GOLM2: variants seen among roughly 807,000 people sequenced by gnomAD.
GOLM2 encodes protein GOLM2.
In GOLM2, 26 loss-of-function variants were observed where a neutral mutation model predicts 55.9. The ratio of observed to expected loss-of-function variants is 0.47; its 90% CI spans 0.34 to 0.65. The LOEUF (loss-of-function observed/expected upper bound fraction) is 0.65, where lower values mean the gene tolerates loss of function less well. Among genes scored for constraint, GOLM2 ranks in the 30% least tolerant of loss-of-function variants. GOLM2 has a pLI of 0.01. For synonymous variants in GOLM2, 165 were observed against 194.6 expected, an observed-to-expected ratio of 0.85 and a Z score of 1.27; for missense variants, 486 against 531.8, an observed-to-expected ratio of 0.91 and a Z score of 0.85.
At chr15:44,295,434 A>C (rs1454250153) in intron 1 of GOLM2, among the ~76,000 whole-genome samples, 2 of 152,196 alleles carry the variant, frequency 1.3e-5, no homozygotes, top group Non-Finnish European at 2.9e-5. Context: ...TGTCCAAAGA[A>C]GTGAGAAACA....
chr15:44,394,306 CAG>C (rs760192021), intron 8 of GOLM2, among the ~76,000 whole-genome samples: 2 of 152,188 alleles, frequency 1.3e-5, no homozygotes, highest in South Asian at 2.1e-4. Context: ...TGCATCACAA[CAG>C]GGGATACATT....
At chr15:44,294,601 C>G (rs563323219) in intron 1 of GOLM2, among the ~76,000 whole-genome samples, 1 of 151,696 alleles carries the variant, frequency 6.6e-6, no homozygotes, top group African/African-American at 2.4e-5. Context: ...GTAGTCCCAG[C>G]TACTTGGGAG....
chr15:44,345,638 G>A (rs1271486243), intron 6 of GOLM2, among the ~76,000 whole-genome samples: 2 of 152,056 alleles, frequency 1.3e-5, no homozygotes, highest in Non-Finnish European at 2.9e-5. Context: ...AAACAAAGAG[G>A]AAAATCGTAT....
intron 6 of GOLM2, among the ~76,000 whole-genome samples, chr15:44,372,115 A>G (rs1350991435): frequency 6.6e-6 from 1 of 152,226 alleles, no homozygotes; most frequent in Non-Finnish European, 1.5e-5. Flanking sequence ...CTAAAAGAGA[A>G]AATCTGGTCT....
At chr15:44,354,213 C>T (rs1364787886) in intron 6 of GOLM2, among the ~76,000 whole-genome samples, 2 of 148,850 alleles carry the variant, frequency 1.3e-5, no homozygotes, top group Non-Finnish European at 3.0e-5. Context: ...TCACAGAACA[C>T]TCACCAAGAT....
intron 1 of GOLM2, among the ~76,000 whole-genome samples, chr15:44,304,232 T>TC (rs1205704127): frequency 2.5e-5 from 3 of 122,422 alleles, no homozygotes; most frequent in East Asian, 2.5e-4. Context: ...CTCCACTTCT[T>TC]TTTTTTTTTT....
chr15:44,365,596 T>C (rs2079278192), intron 6 of GOLM2, among the ~76,000 whole-genome samples: 2 of 152,154 alleles, frequency 1.3e-5, no homozygotes, highest in East Asian at 3.8e-4. Context: ...CTACATACTG[T>C]ATAATTACAA....
intron 8 of GOLM2, among the ~76,000 whole-genome samples, chr15:44,399,999 A>G (rs1404382831): frequency 6.6e-6 from 1 of 151,900 alleles, no homozygotes; most frequent in Admixed American, 6.6e-5. Context: ...AAAAAAAAAG[A>G]AAATATAGAT....
At chr15:44,307,385 T>A (rs1300275989) in intron 1 of GOLM2, 1 of 152,180 alleles carries the variant, frequency 6.6e-6, no homozygotes, top group Non-Finnish European at 1.5e-5. Flanking sequence ...GCTAATTTTC[T>A]GTATTTTTAG....
In GOLM2 at chr15:44,319,565, TTTTG is replaced by T. The variant is rs1045568365; in HGVS notation, c.328-3391_328-3388del. The stretch of plus-strand genomic sequence containing the variant: ...CCCCATAGTAATGTGTGAGTGGGGT[TTTTG>T]TTTGTTTGGTTGGTTTTGTTTTCAT... On this transcript the variant is annotated intron_variant, in intron 1 of 9. Coordinates refer to ENST00000299957, the MANE Select transcript of GOLM2 (RefSeq NM_138423.4). 4.0e-5 allele frequency among the ~76,000 whole-genome samples: 6 copies of T among 151,854 alleles called. No homozygotes were observed. The South Asian group carries it at 8.3e-4, about 21-fold the overall frequency.
intron 1 of GOLM2, among the ~76,000 whole-genome samples, chr15:44,300,723 A>G (rs892242205): frequency 6.6e-6 from 1 of 152,218 alleles, no homozygotes; most frequent in Non-Finnish European, 1.5e-5. Context: ...TGAAGACCTT[A>G]AAGTTCCCCA....
Position 44,288,794 on chromosome 15 carries a change from C to T in GOLM2, c.-236C>T, listed in dbSNP as rs2141099365. ...TTCTCCCGGTTCCCTTGGGCAGGTGCAGGGTCGGGTTCAAAGCCTCCGGAA... is the reference window on the plus strand; with the variant it reads ...TTCTCCCGGTTCCCTTGGGCAGGTGTAGGGTCGGGTTCAAAGCCTCCGGAA... On this transcript the variant is annotated 5_prime_UTR_variant, in exon 1 of 10. Coordinates refer to ENST00000299957, the MANE Select transcript of GOLM2 (RefSeq NM_138423.4). The T allele has an allele frequency of 1.8e-6, 1 of 552,826 alleles. No individual in the cohort carries two copies. The highest frequency in any genetic ancestry group is 3.2e-5 in the East Asian group (1 of 31,678). The allele number at this position is 552,826 out of a possible 1,614,324, so 34.2% of individuals were successfully genotyped here. A position where few individuals can be genotyped will look rare whatever the true frequency, so the allele number is the denominator to read the frequency against.
chr15:44,314,386 C>T (rs1293183216), intron 1 of GOLM2, among the ~76,000 whole-genome samples: 1 of 151,916 alleles, frequency 6.6e-6, no homozygotes, highest in East Asian at 1.9e-4. Context: ...TGGTGAAACC[C>T]CATCTCTACT....
intron 8 of GOLM2, among the ~76,000 whole-genome samples, chr15:44,394,643 A>T (rs139553591): frequency 9.9e-5 from 15 of 152,270 alleles, no homozygotes; most frequent in African/African-American, 3.6e-4. Flanking sequence ...TAGTTTTCCT[A>T]CAATTGTTTT....
intron 2 of GOLM2, among the ~76,000 whole-genome samples, chr15:44,325,616 A>C (rs2141133538): frequency 6.6e-6 from 1 of 152,300 alleles, no homozygotes; most frequent in East Asian, 1.9e-4. Flanking sequence ...TCTTTCTGGT[A>C]GTTGTTAAGT....
At chr15:44,305,279 C>CCGAGGTGGAT (rs2078828626) in intron 1 of GOLM2, among the ~76,000 whole-genome samples, 5 of 152,138 alleles carry the variant, frequency 3.3e-5, no homozygotes, top group African/African-American at 1.2e-4. Flanking sequence ...GAATTAATGG[C>CCGAGGTGGAT]CACTGTGCCC....
At position 44,337,786 on chromosome 15, in the gene GOLM2, A is replaced by G. The variant is rs761043671; in HGVS notation, c.600A>G (p.Ser200=). 1 of 1,584,620 alleles carries G rather than the reference A, an allele frequency of 6.3e-7. No individual in the cohort carries two copies. Among genetic ancestry groups the G allele is most frequent in the South Asian group, 1.2e-5 (1 of 84,684 alleles). The change falls in exon 5 of 10, where the codon TCA becomes TCG. Residue 200 remains serine, a synonymous_variant. Coordinates refer to ENST00000299957, the MANE Select transcript of GOLM2 (RefSeq NM_138423.4). ...AGCAAGAGACCCAAAAGATTCAATCAAATGATGGAAAGGAATTGGATATAA... is the reference window on the plus strand; with the variant it reads ...AGCAAGAGACCCAAAAGATTCAATCGAATGATGGAAAGGAATTGGATATAA... ...EQKQETQKIQ[S]NDGKELDINN...
chr15:44,379,719 C>G lies in GOLM2; in HGVS notation c.832C>G (p.Gln278Glu). The G allele has an allele frequency of 6.6e-7, 1 of 1,525,074 alleles. No homozygotes were observed. Among genetic ancestry groups the G allele is most frequent in the Non-Finnish European group, 8.9e-7 (1 of 1,123,504 alleles). 94.5% of individuals were successfully genotyped at this position (1,525,074 alleles called of 1,614,324 possible). ...AAGGAAGCCTCCTATTTCAGTTTCT[C>G]AACATGAAAGTCATCAAGCAATCTC... Reference protein sequence around the residue: ...ALRKPPISVSQHESHQAISHL... With the variant: ...ALRKPPISVSEHESHQAISHL... Residue 278 changes from glutamine to glutamate, a missense_variant, in exon 7 of 10, where the codon CAA becomes GAA. Coordinates refer to ENST00000299957, the MANE Select transcript of GOLM2 (RefSeq NM_138423.4).
chr15:44,391,196 C>T (rs2141203129), intron 8 of GOLM2, among the ~76,000 whole-genome samples: 1 of 152,176 alleles, frequency 6.6e-6, no homozygotes, highest in South Asian at 2.1e-4. Flanking sequence ...AAACCAAAAA[C>T]TGGTTCTTTG....
Sources: gnomAD v4.1 joint callset for allele counts (sites outside exome capture counted in the v4.1 genomes callset) on GRCh38, gnomAD v4.1.1 for gene constraint, MANE v1.5 for transcripts, NCBI Gene and HGNC (gene_info 2026-07-23, HGNC 2026-07-21) for gene names.